B3GALT1: variants seen among roughly 807,000 people sequenced by gnomAD.
The protein encoded by B3GALT1 is UDP-Gal:betaGlcNAc beta 1,3-galactosyltransferase, polypeptide 1.
Under a neutral mutation model 23.2 loss-of-function variants are expected in B3GALT1, and 10 were observed. The observed-to-expected ratio is 0.43, with a 90% confidence interval of 0.27 to 0.73. The LOEUF is 0.73. Ranked by LOEUF, B3GALT1 falls within the 30% of genes least tolerant of loss-of-function variation. The pLI is 0.21. For missense variants in B3GALT1, 299 were observed against 405.4 expected (o/e 0.74, Z 2.25); for synonymous variants, 156 against 141.5 (o/e 1.10, Z -0.73).
intron 2 of B3GALT1, among the ~76,000 whole-genome samples, chr2:167,564,598 C>T (rs192858061): frequency 8.0e-4 from 122 of 152,324 alleles, no homozygotes; most frequent in African/African-American, 2.5e-3. Context: ...AACGAGACTC[C>T]GTCTGCAATC....
chr2:167,304,395 T>A (rs1226714659), intron 1 of B3GALT1, among the ~76,000 whole-genome samples: 1 of 152,178 alleles, frequency 6.6e-6, no homozygotes, highest in Non-Finnish European at 1.5e-5. Context: ...TCCAGTGCAG[T>A]ATTTTATGTA....
chr2:167,823,269 C>T (rs1361564873), intron 4 of B3GALT1, among the ~76,000 whole-genome samples: 1 of 152,172 alleles, frequency 6.6e-6, no homozygotes, highest in African/African-American at 2.4e-5. Context: ...TTTGTTACAG[C>T]TGCTGGTGTG....
At chr2:167,530,083 T>A (rs1683300926) in intron 2 of B3GALT1, among the ~76,000 whole-genome samples, 1 of 152,136 alleles carries the variant, frequency 6.6e-6, no homozygotes, top group African/African-American at 2.4e-5. Flanking sequence ...TATTTCTTCC[T>A]TGATCATGAA....
At chr2:167,335,079 A>G (rs1697037591) in intron 1 of B3GALT1, among the ~76,000 whole-genome samples, 1 of 151,980 alleles carries the variant, frequency 6.6e-6, no homozygotes, top group Non-Finnish European at 1.5e-5. Context: ...TTGTAGCTTG[A>G]CTTACATGAA....
chr2:167,484,405 G>A (rs1424935688), intron 1 of B3GALT1, among the ~76,000 whole-genome samples: 1 of 152,188 alleles, frequency 6.6e-6, no homozygotes, highest in Non-Finnish European at 1.5e-5. Flanking sequence ...GTGTGCCCAA[G>A]GTGGTTGGAT....
At chr2:167,407,460 TA>T (rs1407684049) in intron 1 of B3GALT1, among the ~76,000 whole-genome samples, 1 of 151,886 alleles carries the variant, frequency 6.6e-6, no homozygotes, top group East Asian at 1.9e-4. Context: ...GCCCAGCCTA[TA>T]ATTAGTAGTA....
intron 2 of B3GALT1, among the ~76,000 whole-genome samples, chr2:167,563,994 C>T (rs1217456190): frequency 7.6e-5 from 11 of 144,150 alleles, no homozygotes; most frequent in Middle Eastern, 4.3e-3. Flanking sequence ...GCCGGCCGGA[C>T]GGGGGGCCGA....
chr2:167,713,270 A>C (rs1687090753), intron 3 of B3GALT1, among the ~76,000 whole-genome samples: 1 of 152,244 alleles, frequency 6.6e-6, no homozygotes, highest in South Asian at 2.1e-4. Context: ...TAAAATATAA[A>C]TAAGGCATTA....
chr2:167,706,402 A>C (rs1318717814), intron 3 of B3GALT1, among the ~76,000 whole-genome samples: 1 of 152,170 alleles, frequency 6.6e-6, no homozygotes, highest in Non-Finnish European at 1.5e-5. Context: ...TTAGGTCTGG[A>C]CTCGCTAGAC....
At chr2:167,508,706 C>T (rs966803254) in intron 2 of B3GALT1, among the ~76,000 whole-genome samples, 4 of 150,466 alleles carry the variant, frequency 2.7e-5, no homozygotes, top group African/African-American at 9.8e-5. Flanking sequence ...TAGTTTAATA[C>T]AAAAATGAAG....
At chr2:167,676,505 G>A (rs185912086) in intron 3 of B3GALT1, among the ~76,000 whole-genome samples, 28 of 136,670 alleles carry the variant, frequency 2.0e-4, no homozygotes, top group African/African-American at 7.6e-4. Context: ...ATGCACACAC[G>A]TGTATGTTTA....
intron 1 of B3GALT1, among the ~76,000 whole-genome samples, chr2:167,343,744 G>A (rs562691872): frequency 6.6e-6 from 1 of 152,184 alleles, no homozygotes; most frequent in South Asian, 2.1e-4. Flanking sequence ...TATAGATTAT[G>A]AGCTTGTGAT....
intron 1 of B3GALT1, among the ~76,000 whole-genome samples, chr2:167,406,505 G>T (rs1698278600): frequency 6.6e-6 from 1 of 152,104 alleles, no homozygotes; most frequent in South Asian, 2.1e-4. Context: ...ATTCTTCCCA[G>T]CGCCAAGCAC....
intron 3 of B3GALT1, among the ~76,000 whole-genome samples, chr2:167,664,712 C>G (rs1030637090): frequency 1.9e-4 from 29 of 152,112 alleles, no homozygotes; most frequent in South Asian, 4.2e-4. Flanking sequence ...GTATTTTATT[C>G]TCTTTGAAGC....
chr2:167,641,997 C>CT (rs971020229), intron 2 of B3GALT1, among the ~76,000 whole-genome samples: 1 of 152,160 alleles, frequency 6.6e-6, no homozygotes, highest in African/African-American at 2.4e-5. Flanking sequence ...TATTTTGACT[C>CT]TTTCTCCAGA....
chr2:167,521,690 A>G (rs191312404), intron 2 of B3GALT1, among the ~76,000 whole-genome samples: 1 of 152,112 alleles, frequency 6.6e-6, no homozygotes, highest in Non-Finnish European at 1.5e-5. Context: ...TTATTTTGCT[A>G]CTATCACAAT....
intron 4 of B3GALT1, among the ~76,000 whole-genome samples, chr2:167,856,945 T>A (rs1408047589): frequency 5.9e-5 from 9 of 151,984 alleles, no homozygotes; most frequent in African/African-American, 1.9e-4. Context: ...TATAAAAGAG[T>A]CCTTTGTTAA....
At chr2:167,557,138 T>G (rs1436257525) in intron 2 of B3GALT1, among the ~76,000 whole-genome samples, 1 of 151,844 alleles carries the variant, frequency 6.6e-6, no homozygotes, top group Non-Finnish European at 1.5e-5. Flanking sequence ...CATAAGTACA[T>G]TAGTCTTTTT....
At chr2:167,567,431 G>A (rs1271042839) in intron 2 of B3GALT1, among the ~76,000 whole-genome samples, 1 of 152,062 alleles carries the variant, frequency 6.6e-6, no homozygotes, top group African/African-American at 2.4e-5. Flanking sequence ...TGGAAAAAAG[G>A]GATCATTCTC....
Sources: allele counts gnomAD v4.1 joint callset (sites outside exome capture counted in the v4.1 genomes callset), GRCh38; gene constraint gnomAD v4.1.1; transcripts MANE v1.5; gene names NCBI Gene and HGNC (gene_info 2026-07-23, HGNC 2026-07-21).